EXOC6B: variants seen among roughly 807,000 people sequenced by gnomAD.
EXOC6B encodes the protein SEC15 homolog B.
EXOC6B carries 54 observed loss-of-function variants against 113.5 expected under a neutral mutation model. That is an observed-to-expected ratio of 0.48 (90% CI 0.38 to 0.60). The LOEUF is 0.60. EXOC6B is among the 20% of genes least tolerant of loss of function. The probability of loss-of-function intolerance (pLI) is 0.00; values close to 1 mark genes in which losing one functional copy is unlikely to be tolerated. For missense variants in EXOC6B, 797 were observed against 977.5 expected, an observed-to-expected ratio of 0.82 and a Z score of 2.46; for synonymous variants, 357 against 339.0, an observed-to-expected ratio of 1.05 and a Z score of -0.58.
chr2:72,442,409 A>T (rs368727221), intron 18 of EXOC6B, among the ~76,000 whole-genome samples: 14 of 152,310 alleles, frequency 9.2e-5, no homozygotes, highest in African/African-American at 2.6e-4. Flanking sequence ...GGCCAAGGAA[A>T]TCAGGCAAGA....
rs149032700 is a variant in EXOC6B, at chr2:72,332,589, T to C, written c.2196+2358A>G. ...TTAAGAAATATCTTTCTAGTAATCATATTGTCCTAAGGTGGAACTTGCTGC... is the reference window on the plus strand; with the variant it reads ...TTAAGAAATATCTTTCTAGTAATCACATTGTCCTAAGGTGGAACTTGCTGC... On this transcript the variant is annotated intron_variant, in intron 20 of 21. Transcript: ENST00000272427. Among the ~76,000 whole-genome samples, 125 of 152,198 alleles carry C rather than the reference T, an allele frequency of 8.2e-4. 3 individuals carry two copies. The highest frequency in any genetic ancestry group is 3.4e-3 in the Middle Eastern group (1 of 294).
At chr2:72,622,452 G>A (rs1016360268) in intron 6 of EXOC6B, among the ~76,000 whole-genome samples, 12 of 152,206 alleles carry the variant, frequency 7.9e-5, no homozygotes, top group South Asian at 4.1e-4. Flanking sequence ...GGTGGCTCAC[G>A]ACTATAATCC....
intron 6 of EXOC6B, among the ~76,000 whole-genome samples, chr2:72,681,516 T>C (rs960198160): frequency 6.6e-6 from 1 of 152,190 alleles, no homozygotes; most frequent in African/African-American, 2.4e-5. Flanking sequence ...TGAATGAATC[T>C]CTTGACAAAA....
At chr2:72,405,149 AG>A (rs1274242500) in intron 18 of EXOC6B, among the ~76,000 whole-genome samples, 2 of 152,188 alleles carry the variant, frequency 1.3e-5, no homozygotes, top group Non-Finnish European at 2.9e-5. Context: ...AGAAGTTTAG[AG>A]AAAAAAGAAT....
rs574142139 is a variant in EXOC6B, at chr2:72,566,936, C to A, written c.847-7415G>T. Among the ~76,000 whole-genome samples the A allele has an allele frequency of 3.3e-5, 5 of 151,958 alleles. No homozygotes were observed. In the South Asian group the frequency reaches 1.0e-3, roughly 32 times the overall value. On this transcript the variant is annotated intron_variant, in intron 7 of 21. Transcript: ENST00000272427. ...AGTACAAAAATATATATGTATTATG[C>A]TATTAATAATTACGTTGCTTGAGGT...
chr2:72,485,970 C>T (rs1325405624), intron 16 of EXOC6B, among the ~76,000 whole-genome samples: 1 of 152,172 alleles, frequency 6.6e-6, no homozygotes, highest in South Asian at 2.1e-4. Flanking sequence ...AACATAAATA[C>T]TACTGTAAAT....
chr2:72,469,705 A>C (rs1698277728), intron 17 of EXOC6B, among the ~76,000 whole-genome samples: 1 of 152,010 alleles, frequency 6.6e-6, no homozygotes, highest in Admixed American at 6.6e-5. Flanking sequence ...GTCTTGGTGA[A>C]TATTTTGTAT....
chr2:72,241,774 A>AAAAGTG (rs1682325749), intron 20 of EXOC6B, among the ~76,000 whole-genome samples: 1 of 152,218 alleles, frequency 6.6e-6, no homozygotes, highest in Non-Finnish European at 1.5e-5. Flanking sequence ...ATTATCCTTC[A>AAAAGTG]AAAGTGAAAG....
chr2:72,393,473 G>T (rs1036994962), intron 18 of EXOC6B, among the ~76,000 whole-genome samples: 1 of 151,968 alleles, frequency 6.6e-6, no homozygotes, highest in Non-Finnish European at 1.5e-5. Flanking sequence ...TATACTTACA[G>T]ACATCCAAAA....
intron 17 of EXOC6B, among the ~76,000 whole-genome samples, chr2:72,478,602 G>C (rs1401138791): frequency 2.0e-5 from 3 of 152,186 alleles, no homozygotes; most frequent in Non-Finnish European, 2.9e-5. Context: ...CCTTCACTAA[G>C]TATTTAACTG....
intron 6 of EXOC6B, among the ~76,000 whole-genome samples, chr2:72,648,702 T>A (rs1673931227): frequency 6.6e-6 from 1 of 152,190 alleles, no homozygotes; most frequent in African/African-American, 2.4e-5. Flanking sequence ...ATATACAGAA[T>A]GGAATACTAT....
At chr2:72,653,600 C>G (rs999241686) in intron 6 of EXOC6B, among the ~76,000 whole-genome samples, 5 of 139,436 alleles carry the variant, frequency 3.6e-5, no homozygotes, top group East Asian at 2.0e-4. Flanking sequence ...TGCCAGCAAC[C>G]CCCCCCCAAA....
chr2:72,610,211 T>C (rs1188676123), intron 6 of EXOC6B, among the ~76,000 whole-genome samples: 2 of 152,152 alleles, frequency 1.3e-5, no homozygotes, highest in African/African-American at 4.8e-5. Flanking sequence ...AGTCAAACCA[T>C]TTAAAAGATA....
At chr2:72,212,927 CTG>C (rs1420619334) in intron 20 of EXOC6B, among the ~76,000 whole-genome samples, 2 of 152,230 alleles carry the variant, frequency 1.3e-5, no homozygotes, top group Middle Eastern at 3.2e-3. Flanking sequence ...CAAAATAACA[CTG>C]TCACTTTCCC....
chr2:72,542,578 C>T (rs760909975), intron 8 of EXOC6B, among the ~76,000 whole-genome samples: 5 of 152,204 alleles, frequency 3.3e-5, no homozygotes, highest in Non-Finnish European at 7.3e-5. Context: ...TCCTTCATTA[C>T]ACCTGCTATA....
chr2:72,385,775 G>C (rs1691983295), intron 18 of EXOC6B, among the ~76,000 whole-genome samples: 1 of 152,036 alleles, frequency 6.6e-6, no homozygotes, highest in South Asian at 2.1e-4. Flanking sequence ...AACATCACTA[G>C]TCATCAGAAA....
chr2:72,546,201 C>A (rs1446568140), intron 8 of EXOC6B, among the ~76,000 whole-genome samples: 2 of 152,196 alleles, frequency 1.3e-5, no homozygotes, highest in African/African-American at 4.8e-5. Flanking sequence ...GTAATCCCAG[C>A]ACTTTGGGAG....
chr2:72,492,588 T>C (rs1699803872), intron 15 of EXOC6B, among the ~76,000 whole-genome samples, 159 bp from the exon 16 acceptor site: 1 of 151,964 alleles, frequency 6.6e-6, no homozygotes. Flanking sequence ...TAAACTCTCC[T>C]AGCTTTTGTT....
At chr2:72,623,333 C>T (rs776747795) in intron 6 of EXOC6B, among the ~76,000 whole-genome samples, 2 of 152,092 alleles carry the variant, frequency 1.3e-5, no homozygotes, top group Non-Finnish European at 2.9e-5. Flanking sequence ...GATACATTGG[C>T]AAAATCAGAA....
Sources: gnomAD v4.1 joint callset for allele counts (sites outside exome capture counted in the v4.1 genomes callset) on GRCh38, gnomAD v4.1.1 for gene constraint, MANE v1.5 for transcripts, NCBI Gene and HGNC (gene_info 2026-07-23, HGNC 2026-07-21) for gene names.